The following MERTK variants were observed in gnomAD, a reference collection of about 807,000 sequenced individuals.
The protein encoded by MERTK is MER proto-oncogene, tyrosine kinase.
In MERTK, 69 loss-of-function variants were observed where a neutral mutation model predicts 99.3. That is an observed-to-expected ratio of 0.70 (90% CI 0.57 to 0.85). MERTK has a LOEUF of 0.85. MERTK is among the 40% of genes least tolerant of loss of function. The probability of loss-of-function intolerance (pLI) is 0.00; values close to 1 mark genes in which losing one functional copy is unlikely to be tolerated. For synonymous variants in MERTK, 426 were observed against 467.6 expected, an observed-to-expected ratio of 0.91 and a Z score of 1.15; for missense variants, 1,125 against 1,249.4, an observed-to-expected ratio of 0.90 and a Z score of 1.50.
intron 1 of MERTK, among the ~76,000 whole-genome samples, chr2:111,926,443 A>T (rs1229315015): frequency 6.6e-6 from 1 of 151,984 alleles, no homozygotes; most frequent in Non-Finnish European, 1.5e-5. Flanking sequence ...GTACATGAAT[A>T]AAGGGCCAAG....
chr2:111,966,776 A>T (rs149757527), intron 5 of MERTK, among the ~76,000 whole-genome samples: 1 of 152,326 alleles, frequency 6.6e-6, no homozygotes, highest in African/African-American at 2.4e-5. Flanking sequence ...GAGGAAAGTG[A>T]GTCAAACCTT....
At chr2:111,976,220 T>C (rs571444613) in intron 7 of MERTK, among the ~76,000 whole-genome samples, 1 of 152,370 alleles carries the variant, frequency 6.6e-6, no homozygotes, top group East Asian at 1.9e-4. Flanking sequence ...CCTGCACATG[T>C]TCAGCTATCT....
At chr2:111,999,458 C>T (rs1384344398) in intron 10 of MERTK, among the ~76,000 whole-genome samples, 1 of 152,080 alleles carries the variant, frequency 6.6e-6, no homozygotes, top group Non-Finnish European at 1.5e-5. Context: ...ACCACCATGT[C>T]TGGCTAATTT....
intron 1 of MERTK, among the ~76,000 whole-genome samples, chr2:111,925,288 ATATATTTTT>A (rs1455092086): frequency 8.1e-5 from 3 of 37,204 alleles, no homozygotes; most frequent in African/African-American, 3.6e-4. Flanking sequence ...ATATATATAT[ATATATTTTT>A]TTTTTTTTTT....
In MERTK at chr2:111,941,406, C is replaced by T. The variant is rs1178293553; in HGVS notation, c.483-3554C>T. Among the ~76,000 whole-genome samples the T allele has an allele frequency of 2.6e-5, 4 of 152,278 alleles. No homozygotes were observed. In the East Asian group the frequency reaches 5.8e-4, roughly 22 times the overall value. ...TTTTTCTCCTACTGTGCTGCCCAGC[C>T]GGGGGCCCGGTTAGGAAACACCCAT... On this transcript the variant is annotated intron_variant, in intron 2 of 18. Transcript: ENST00000295408.
At chr2:111,931,601 G>A (rs1684672957) in intron 2 of MERTK, among the ~76,000 whole-genome samples, 1 of 151,816 alleles carries the variant, frequency 6.6e-6, no homozygotes, top group African/African-American at 2.4e-5. Context: ...CAGGAGAATT[G>A]CTTGAACCTG....
Position 111,898,735 on chromosome 2 carries a change from G to A in MERTK, c.-1G>A, listed in dbSNP as rs1386703666. The A allele has an allele frequency of 1.2e-6, 2 of 1,606,368 alleles. No homozygotes were observed. Among genetic ancestry groups the A allele is most frequent in the East Asian group, 2.2e-5 (1 of 44,640 alleles). On this transcript the variant is annotated 5_prime_UTR_variant, in exon 1 of 19. Coordinates refer to ENST00000295408, the MANE Select transcript of MERTK (RefSeq NM_006343.3). The stretch of plus-strand genomic sequence containing the variant: ...AGAAATTACAGATCCGCAGCCCCGG[G>A]ATGGGGCCGGCCCCGCTGCCGCTGC...
At position 111,998,408 on chromosome 2, in the gene MERTK, A is replaced by G. The variant is rs546944364; in HGVS notation, c.1604+932A>G. ...CTGCAAGAGTAGCTCATTAATATGTATTAAAGGCCTGCTAGGCACTGGGCA... is the reference window on the plus strand; with the variant it reads ...CTGCAAGAGTAGCTCATTAATATGTGTTAAAGGCCTGCTAGGCACTGGGCA... On this transcript the variant is annotated intron_variant, in intron 10 of 18. Coordinates refer to ENST00000295408, the MANE Select transcript of MERTK (RefSeq NM_006343.3). 2.0e-5 allele frequency among the ~76,000 whole-genome samples: 3 copies of G among 152,356 alleles called. No homozygotes were observed. In the South Asian group the frequency reaches 6.2e-4, roughly 32 times the overall value.
At chr2:111,898,837 C>T in intron 1 of MERTK, 41 bp downstream of exon 1, 2 of 1,555,038 alleles carry the variant, frequency 1.3e-6, no homozygotes, top group Non-Finnish European at 1.7e-6. Context: ...GGGGTGGGGG[C>T]TCCCAGGAGG....
rs998946514 is a variant in MERTK, at chr2:112,010,020, A to G, written c.2033A>G (p.Asp678Gly). 1 of 1,613,986 alleles carries G rather than the reference A, an allele frequency of 6.2e-7. No homozygotes were observed. Among genetic ancestry groups the G allele is most frequent in the African/African-American group, 1.3e-5 (1 of 75,020 alleles). ...MVILPFMKYG[D>G]LHTYLLYSRL... is the part of the protein sequence containing the mutation. ...ATTTTACCCTTCATGAAATACGGGG[A>G]CCTGCATACTTACTTACTTTATTCC... The change falls in exon 15 of 19, where the codon GAC becomes GGC. Residue 678 changes from aspartate to glycine, a missense_variant. Transcript: ENST00000295408.
chr2:111,935,547 C>T (rs910103687), intron 2 of MERTK, among the ~76,000 whole-genome samples: 5 of 151,824 alleles, frequency 3.3e-5, no homozygotes, highest in Admixed American at 1.3e-4. Context: ...CATTTAAGTA[C>T]GAATCCCATG....
intron 1 of MERTK, among the ~76,000 whole-genome samples, chr2:111,902,694 A>T (rs1214785223): frequency 6.6e-6 from 1 of 151,894 alleles, no homozygotes; most frequent in Non-Finnish European, 1.5e-5. Flanking sequence ...ACCCCCTGCC[A>T]AAGTATCATA....
At chr2:112,019,557 C>A in intron 16 of MERTK, 35 bp downstream of exon 16, 1 of 1,497,572 alleles carries the variant, frequency 6.7e-7, no homozygotes, top group Non-Finnish European at 9.3e-7. Context: ...AGGGTTTGGA[C>A]CTCATGGTGT....
chr2:111,991,474 C>T (rs1428988428), intron 8 of MERTK, among the ~76,000 whole-genome samples: 1 of 152,110 alleles, frequency 6.6e-6, no homozygotes, highest in Non-Finnish European at 1.5e-5. Context: ...TATCTGCCCA[C>T]CTCAGCCTCC....
intron 5 of MERTK, among the ~76,000 whole-genome samples, chr2:111,967,703 G>A (rs1051824938): frequency 1.3e-5 from 2 of 152,144 alleles, no homozygotes; most frequent in South Asian, 2.1e-4. Context: ...GTGACAGGGC[G>A]CTCTTATTCT....
chr2:111,948,389 C>T (rs1214479842), intron 4 of MERTK, among the ~76,000 whole-genome samples: 2 of 152,152 alleles, frequency 1.3e-5, no homozygotes, highest in African/African-American at 4.8e-5. Flanking sequence ...TGAGATGCTT[C>T]CCCTTGGGAG....
At chr2:112,023,032 C>G (rs900634097) in intron 18 of MERTK, among the ~76,000 whole-genome samples, 7 of 152,120 alleles carry the variant, frequency 4.6e-5, no homozygotes, top group Middle Eastern at 3.2e-3. Flanking sequence ...TATCCCAACA[C>G]TTTGGGAGGC....
intron 5 of MERTK, 30 bp from the exon 6 acceptor site, chr2:111,968,103 GTGTA>G (rs1157055847): frequency 1.5e-6 from 2 of 1,307,134 alleles, no homozygotes; most frequent in Non-Finnish European, 2.2e-6. Context: ...GTGTTTGTGT[GTGTA>G]TGTGTGTGTG....
chr2:111,942,113 C>T (rs973819913), intron 2 of MERTK, among the ~76,000 whole-genome samples: 3 of 152,214 alleles, frequency 2.0e-5, no homozygotes. Flanking sequence ...TGGTCCCTGT[C>T]TCCCTGAGTC....
Sources: allele counts gnomAD v4.1 joint callset (sites outside exome capture counted in the v4.1 genomes callset), GRCh38; gene constraint gnomAD v4.1.1; transcripts MANE v1.5; gene names NCBI Gene and HGNC (gene_info 2026-07-23, HGNC 2026-07-21).